RNF10: variants seen among roughly 807,000 people sequenced by gnomAD.
The protein encoded by RNF10 is E3 ubiquitin-protein ligase RNF10.
Under a neutral mutation model 91.4 loss-of-function variants are expected in RNF10, and 38 were observed. The ratio of observed to expected loss-of-function variants is 0.42; its 90% CI spans 0.32 to 0.54. The LOEUF (loss-of-function observed/expected upper bound fraction) is 0.54, where lower values mean the gene tolerates loss of function less well. Ranked by LOEUF, RNF10 falls within the 20% of genes least tolerant of loss-of-function variation. The pLI is 0.16. For synonymous variants in RNF10, 364 were observed against 366.3 expected (o/e 0.99, Z 0.07); for missense variants, 945 against 1,012.0 (o/e 0.93, Z 0.90).
At chr12:120,556,115 G>A in intron 4 of RNF10, among the ~76,000 whole-genome samples, 1 of 152,052 alleles carries the variant, frequency 6.6e-6, no homozygotes, top group East Asian at 1.9e-4. Flanking sequence ...AGCCACTGAT[G>A]TGTTTTCTAC....
chr12:120,557,512 C>G (rs749536096), intron 5 of RNF10, 34 bp from the exon 6 acceptor site: 1 of 1,613,868 alleles, frequency 6.2e-7, no homozygotes, highest in Non-Finnish European at 8.5e-7. Flanking sequence ...CTCTTCACTC[C>G]TTGCCCTGCT....
At chr12:120,541,265 T>C (rs922996109) in intron 1 of RNF10, among the ~76,000 whole-genome samples, 2 of 152,182 alleles carry the variant, frequency 1.3e-5, no homozygotes, top group East Asian at 3.9e-4. Flanking sequence ...ACAGGTAGGG[T>C]CCAGGATCAT....
Position 120,557,452 on chromosome 12 carries a change from G to A in RNF10, c.816G>A (p.Lys272=). ...CCATCTGTTACAGTTCTGTGCATAA[G>A]AAGGATCTCAAGAGGTGAGATTGAG... The part of the protein sequence containing the change: ...KCPICYSSVH[K]KDLKSVVATE... Residue 272 remains lysine, a synonymous_variant, in exon 5 of 17, where the codon AAG becomes AAA. Coordinates refer to ENST00000325954, the MANE Select transcript of RNF10 (RefSeq NM_014868.5). The A allele has an allele frequency of 2.5e-6, 4 of 1,614,114 alleles. No homozygotes were observed. Among genetic ancestry groups the A allele is most frequent in the Non-Finnish European group, 3.4e-6 (4 of 1,179,950 alleles).
chr12:120,553,330 C>G (rs879715550), intron 3 of RNF10, among the ~76,000 whole-genome samples: 6 of 151,114 alleles, frequency 4.0e-5, no homozygotes, highest in Non-Finnish European at 7.4e-5. Flanking sequence ...CCTCGTGATC[C>G]ACCTGCCTCG....
At chr12:120,537,857 A>G (rs1308054802) in intron 1 of RNF10, among the ~76,000 whole-genome samples, 1 of 152,128 alleles carries the variant, frequency 6.6e-6, no homozygotes, top group Non-Finnish European at 1.5e-5. Flanking sequence ...AACAAATTAA[A>G]AGGCAGGATA....
chr12:120,534,883 C>T lies in RNF10; in HGVS notation c.72C>T (p.Ser24=). The stretch of plus-strand genomic sequence containing the variant: ...ACAAGAACAGCGGCTCCAACAGCTC[C>T]TCCGCCTCTTCGGGCAGCAGCAAAG... The part of the protein sequence containing the change: ...DMDKNSGSNS[S]SASSGSSKGQ... The change falls in exon 1 of 17, where the codon TCC becomes TCT. Residue 24 remains serine, a synonymous_variant. Coordinates refer to ENST00000325954, the MANE Select transcript of RNF10 (RefSeq NM_014868.5). The T allele has an allele frequency of 6.2e-7, 1 of 1,608,608 alleles. No individual in the cohort carries two copies. The highest frequency in any genetic ancestry group is 1.3e-5 in the African/African-American group (1 of 74,988).
intron 6 of RNF10, 21 bp downstream of exon 6, chr12:120,557,703 G>A: frequency 6.2e-7 from 1 of 1,613,276 alleles, no homozygotes; most frequent in Non-Finnish European, 8.5e-7. Context: ...TAAATTTTGG[G>A]GACAAATAAT....
chr12:120,556,637 AAAAT>A (rs1874071510), intron 4 of RNF10, among the ~76,000 whole-genome samples: 1 of 151,964 alleles, frequency 6.6e-6, no homozygotes, highest in South Asian at 2.1e-4. Context: ...TTATTAAAAA[AAAAT>A]GAAGTCTTTT....
rs770032656 is a variant in RNF10 at position 120,557,352 on chromosome 12, G to A, written c.716G>A (p.Arg239His). 1.2e-5 allele frequency: 19 copies of A among 1,614,142 alleles called. No individual in the cohort carries two copies. The highest frequency in any genetic ancestry group is 8.9e-5 in the East Asian group (4 of 44,880). The change falls in exon 5 of 17, where the codon CGT becomes CAT. Residue 239 changes from arginine to histidine, a missense_variant. Physicochemically the swap from Arg to His is conservative, Grantham distance 29. Coordinates refer to ENST00000325954, the MANE Select transcript of RNF10 (RefSeq NM_014868.5). Reference sequence around the variant, plus strand: ...CCACCTACTGCAGCCAAGATAACCCGTTGTGGACACATCTTCTGCTGGGCA... The same window carrying A: ...CCACCTACTGCAGCCAAGATAACCCATTGTGGACACATCTTCTGCTGGGCA... Reference protein sequence around the residue: ...LYPPTAAKITRCGHIFCWACI... With the variant: ...LYPPTAAKITHCGHIFCWACI...
intron 3 of RNF10, among the ~76,000 whole-genome samples, chr12:120,553,653 T>A (rs1167712): frequency 6.6e-6 from 1 of 151,148 alleles, no homozygotes; most frequent in Non-Finnish European, 1.5e-5. Context: ...TCCACCCGCC[T>A]CGGCCTCCCA....
intron 3 of RNF10, 70 bp from the exon 4 acceptor site, chr12:120,554,648 G>A: frequency 8.2e-7 from 1 of 1,224,676 alleles, no homozygotes; most frequent in South Asian, 1.2e-5. Context: ...GTGAATAGAT[G>A]ACAATTTCTG....
At chr12:120,548,448 A>G (rs1404646146) in intron 2 of RNF10, among the ~76,000 whole-genome samples, 2 of 152,164 alleles carry the variant, frequency 1.3e-5, no homozygotes, top group Non-Finnish European at 2.9e-5. Flanking sequence ...GCAGAAGGTG[A>G]TCAGTTTTGT....
intron 1 of RNF10, among the ~76,000 whole-genome samples, chr12:120,542,786 CAT>C (rs1206618291): frequency 6.6e-6 from 1 of 152,180 alleles, no homozygotes; most frequent in Non-Finnish European, 1.5e-5. Context: ...CTTCTGGCCT[CAT>C]GTGATCTGCC....
At chr12:120,562,271 C>CTTTTTTTTTTTTTTTT (rs71076634) in intron 7 of RNF10, among the ~76,000 whole-genome samples, 2 of 100,102 alleles carry the variant, frequency 2.0e-5, no homozygotes, top group Non-Finnish European at 1.8e-5. Flanking sequence ...TTCTTTCTTT[C>CTTTTTTTTTTTTTTTT]TTTTTTTTTT....
chr12:120,546,336 G>A, intron 1 of RNF10, 69 bp from the exon 2 acceptor site: 1 of 1,433,312 alleles, frequency 7.0e-7, no homozygotes, highest in Non-Finnish European at 9.6e-7. Flanking sequence ...TTTGCTGGGA[G>A]GTGGAGGGCA....
intron 4 of RNF10, among the ~76,000 whole-genome samples, chr12:120,556,253 C>G (rs1201916030): frequency 6.6e-6 from 1 of 151,760 alleles, no homozygotes; most frequent in Non-Finnish European, 1.5e-5. Flanking sequence ...CTTGAACTCT[C>G]GCCGGGCGCG....
chr12:120,557,785 C>T, intron 6 of RNF10, 103 bp downstream of exon 6: 1 of 1,263,294 alleles, frequency 7.9e-7, no homozygotes, highest in Non-Finnish European at 1.1e-6. Context: ...CAGGGCACAT[C>T]TGGCATGTTC....
chr12:120,573,133 C>T (rs1244639189), intron 14 of RNF10, among the ~76,000 whole-genome samples: 2 of 152,100 alleles, frequency 1.3e-5, no homozygotes, highest in African/African-American at 4.8e-5. Context: ...TTAGGAGATA[C>T]ATGCCAAAGA....
chr12:120,565,385 T>G, intron 11 of RNF10, 43 bp from the exon 12 acceptor site: 1 of 1,571,172 alleles, frequency 6.4e-7, no homozygotes, highest in Admixed American at 1.7e-5. Context: ...GTAATGACCA[T>G]GTTGTCCTGG....
Sources: allele counts gnomAD v4.1 joint callset (sites outside exome capture counted in the v4.1 genomes callset), GRCh38; gene constraint gnomAD v4.1.1; transcripts MANE v1.5; gene names NCBI Gene and HGNC (gene_info 2026-07-23, HGNC 2026-07-21).